The following COL24A1 variants were observed in gnomAD, a reference collection of about 807,000 sequenced individuals.
The protein encoded by COL24A1 is collagen alpha-1(XXIV) chain.
COL24A1 carries 224 observed loss-of-function variants against 253.9 expected under a neutral mutation model. That is an observed-to-expected ratio of 0.88 (90% confidence interval 0.79 to 0.99). The LOEUF (loss-of-function observed/expected upper bound fraction) is 0.99, where lower values mean the gene tolerates loss of function less well. Among genes scored for constraint, COL24A1 ranks in the 50% least tolerant of loss-of-function variants. COL24A1 has a pLI of 0.00. For missense variants in COL24A1, 2,131 were observed against 2,068.5 expected (o/e 1.03, Z -0.59); for synonymous variants, 685 against 673.7 (o/e 1.02, Z -0.26).
At chr1:86,032,958 T>C (rs957212103) in intron 13 of COL24A1, among the ~76,000 whole-genome samples, 1 of 152,152 alleles carries the variant, frequency 6.6e-6, no homozygotes, top group African/African-American at 2.4e-5. Flanking sequence ...TACTTTATTA[T>C]GCTTGAAATG....
At chr1:85,793,174 C>G (rs905188163) in intron 47 of COL24A1, among the ~76,000 whole-genome samples, 1 of 151,642 alleles carries the variant, frequency 6.6e-6, no homozygotes, top group Admixed American at 6.6e-5. Flanking sequence ...TAAAAATTAT[C>G]CTTTCTAAGT....
intron 53 of COL24A1, among the ~76,000 whole-genome samples, chr1:85,764,250 G>T (rs913047292): frequency 1.3e-5 from 2 of 152,066 alleles, no homozygotes; most frequent in African/African-American, 2.4e-5. Flanking sequence ...TCCTAGGGTG[G>T]TAGGGGGACA....
Position 86,108,650 on chromosome 1 carries a change from AT to A in COL24A1, c.1599+3916del, listed in dbSNP as rs1353638900. On this transcript the variant is annotated intron_variant, in intron 5 of 59. Coordinates refer to ENST00000370571, the MANE Select transcript of COL24A1 (RefSeq NM_152890.7). Reference sequence around the variant, plus strand: ...AAAAAAAAAAAAAAAAAAAAAAAAAATTTTAAATTAGCCAGGCATGGTGGCA... The same window carrying A: ...AAAAAAAAAAAAAAAAAAAAAAAAAATTTAAATTAGCCAGGCATGGTGGCA... Among the ~76,000 whole-genome samples, 13 of 132,102 alleles carry A rather than the reference AT, an allele frequency of 9.8e-5. No homozygotes were observed. In the South Asian group the frequency reaches 1.2e-3, roughly 12 times the overall value. The allele number at this position is 132,102 out of a possible 152,430, so 86.7% of individuals were successfully genotyped here.
chr1:85,780,556 G>A (rs899389463), intron 52 of COL24A1, among the ~76,000 whole-genome samples: 2 of 152,078 alleles, frequency 1.3e-5, no homozygotes, highest in Non-Finnish European at 1.5e-5. Context: ...TGGAAAGAGC[G>A]CTGGTCTTGA....
intron 55 of COL24A1, among the ~76,000 whole-genome samples, chr1:85,760,677 G>C (rs1666760734): frequency 6.6e-6 from 1 of 152,162 alleles, no homozygotes; most frequent in Non-Finnish European, 1.5e-5. Context: ...GCGAACAGTA[G>C]ATCCATGTTA....
intron 2 of COL24A1, among the ~76,000 whole-genome samples, chr1:86,134,381 T>C (rs1177773027): frequency 3.3e-5 from 5 of 151,950 alleles, no homozygotes; most frequent in Admixed American, 2.6e-4. Context: ...TATTTCTTGC[T>C]TTCTGCTAGC....
chr1:85,873,432 C>T (rs971776706), intron 35 of COL24A1, among the ~76,000 whole-genome samples: 6 of 152,114 alleles, frequency 3.9e-5, no homozygotes, highest in African/African-American at 1.4e-4. Flanking sequence ...AGACTTGGAA[C>T]CAACCCAAAT....
At chr1:85,820,094 CT>C (rs1385125115) in intron 45 of COL24A1, among the ~76,000 whole-genome samples, 1 of 152,060 alleles carries the variant, frequency 6.6e-6, no homozygotes, top group African/African-American at 2.4e-5. Context: ...GTGATCTGCC[CT>C]CCTCGGCCTC....
chr1:85,849,458 T>C, intron 37 of COL24A1, 52 bp from the exon 38 acceptor site: 1 of 1,341,616 alleles, frequency 7.5e-7, no homozygotes, highest in Admixed American at 1.8e-5. Context: ...AAAGATGAGA[T>C]GGAGTATTTG....
rs1666855051 is a variant in COL24A1, at chr1:85,761,569, G to A, written c.4375-3C>T. On this transcript the variant is annotated splice_region_variant and splice_polypyrimidine_tract_variant and intron_variant, in intron 53 of 59. Coordinates refer to ENST00000370571, the MANE Select transcript of COL24A1 (RefSeq NM_152890.7). Reference sequence around the variant, plus strand: ...TGACCTCTTGGTCCTTGAGGACCCTGGAAGAAATGGAGACAAACACAAGAC... The same window carrying A: ...TGACCTCTTGGTCCTTGAGGACCCTAGAAGAAATGGAGACAAACACAAGAC... 2 of 1,613,996 alleles carry A rather than the reference G, an allele frequency of 1.2e-6. No individual in the cohort carries two copies. The highest frequency in any genetic ancestry group is 1.7e-6 in the Non-Finnish European group (2 of 1,179,900).
intron 47 of COL24A1, among the ~76,000 whole-genome samples, chr1:85,806,073 CT>C (rs1428048056): frequency 1.9e-5 from 1 of 53,556 alleles, no homozygotes; most frequent in Non-Finnish European, 4.3e-5. Flanking sequence ...GAGACTCCGT[CT>C]CAAAAAAAAA....
chr1:85,983,735 AG>A (rs1308957717), intron 20 of COL24A1, among the ~76,000 whole-genome samples: 17 of 151,868 alleles, frequency 1.1e-4, no homozygotes, highest in Admixed American at 2.6e-4. Context: ...TCATGTTAAC[AG>A]GGTCAGTATG....
At chr1:85,977,609 T>C (rs901182073) in intron 20 of COL24A1, among the ~76,000 whole-genome samples, 1 of 152,048 alleles carries the variant, frequency 6.6e-6, no homozygotes, top group Non-Finnish European at 1.5e-5. Flanking sequence ...CTAGGACAGG[T>C]AGAAGAAAGA....
At chr1:86,075,180 A>G (rs1702161796) in intron 7 of COL24A1, among the ~76,000 whole-genome samples, 1 of 152,188 alleles carries the variant, frequency 6.6e-6, no homozygotes, top group Non-Finnish European at 1.5e-5. Flanking sequence ...GAAGAATCAA[A>G]TAGACACAAT....
intron 1 of COL24A1, among the ~76,000 whole-genome samples, chr1:86,152,960 A>G (rs946880366): frequency 1.3e-5 from 2 of 152,154 alleles, no homozygotes; most frequent in Admixed American, 6.5e-5. Flanking sequence ...CTTGTTAAAC[A>G]TGGTTTAAAG....
intron 37 of COL24A1, among the ~76,000 whole-genome samples, chr1:85,862,138 T>C (rs934250043): frequency 2.0e-5 from 3 of 152,228 alleles, no homozygotes; most frequent in African/African-American, 2.4e-5. Context: ...TATGTTTATT[T>C]CCATTATTGC....
chr1:85,996,447 G>A (rs113455991), intron 19 of COL24A1, among the ~76,000 whole-genome samples: 7 of 103,368 alleles, frequency 6.8e-5, no homozygotes, highest in East Asian at 3.6e-4. Flanking sequence ...AGGCCGAGGC[G>A]GGTGGATCAC....
At chr1:85,865,251 A>G (rs1679655343) in intron 37 of COL24A1, among the ~76,000 whole-genome samples, 1 of 152,206 alleles carries the variant, frequency 6.6e-6, no homozygotes. Flanking sequence ...TGTCTAAGGA[A>G]GAATTTTTAA....
At chr1:85,991,815 T>C (rs1034971578) in intron 19 of COL24A1, among the ~76,000 whole-genome samples, 9 of 152,078 alleles carry the variant, frequency 5.9e-5, no homozygotes, top group Non-Finnish European at 8.8e-5. Flanking sequence ...TATTTTAAAA[T>C]TGAAACTTTA....
Sources: gnomAD v4.1 joint callset for allele counts (sites outside exome capture counted in the v4.1 genomes callset) on GRCh38, gnomAD v4.1.1 for gene constraint, MANE v1.5 for transcripts, NCBI Gene and HGNC (gene_info 2026-07-23, HGNC 2026-07-21) for gene names.